Variants in ITGBL1 observed in about 807,000 individuals in gnomAD.
ITGBL1 encodes integrin beta-like protein 1.
In ITGBL1, 51 loss-of-function variants were observed where a neutral mutation model predicts 68.5. That is an observed-to-expected ratio of 0.74 (90% CI 0.59 to 0.94). ITGBL1 has a LOEUF of 0.94. ITGBL1 is among the 40% of genes least tolerant of loss of function. The pLI, the probability that ITGBL1 is intolerant of heterozygous loss-of-function variation, is 0.00. For synonymous variants in ITGBL1, 209 were observed against 227.3 expected, an observed-to-expected ratio of 0.92 and a Z score of 0.72; for missense variants, 649 against 647.4, an observed-to-expected ratio of 1.00 and a Z score of -0.03.
intron 7 of ITGBL1, among the ~76,000 whole-genome samples, chr13:101,627,429 T>G (rs967474458): frequency 2.0e-5 from 3 of 152,060 alleles, no homozygotes; most frequent in Non-Finnish European, 4.4e-5. Context: ...GGTCTATTGG[T>G]TACAAGTCAG....
intron 7 of ITGBL1, among the ~76,000 whole-genome samples, chr13:101,628,577 C>T (rs924975758): frequency 2.7e-5 from 4 of 149,238 alleles, no homozygotes; most frequent in Admixed American, 6.8e-5. Flanking sequence ...GGACTACAGG[C>T]GTGCACCACC....
In ITGBL1 at chr13:101,614,584, G is replaced by C. The variant is rs117745378; in HGVS notation, c.1015+16285G>C. Among the ~76,000 whole-genome samples, 840 of 152,252 alleles carry C rather than the reference G, an allele frequency of 5.5e-3. 32 individuals are homozygous for C. The highest frequency in any genetic ancestry group is 0.042 in the Admixed American group (641 of 15,288). ...ATCAGCTCCCTACAATCTGTTCCCA[G>C]CCCAGCCTTCCTGCTTGGTCCGCTG... On this transcript the variant is annotated intron_variant, in intron 7 of 10. Transcript: ENST00000376180.
At chr13:101,579,841 T>C (rs1028361978) in intron 5 of ITGBL1, among the ~76,000 whole-genome samples, 2 of 152,172 alleles carry the variant, frequency 1.3e-5, no homozygotes, top group Non-Finnish European at 2.9e-5. Context: ...TATGAGTATA[T>C]GGAAGGCTTG....
At chr13:101,486,572 A>T (rs913615697) in intron 2 of ITGBL1, among the ~76,000 whole-genome samples, 9 of 152,376 alleles carry the variant, frequency 5.9e-5, no homozygotes, top group African/African-American at 2.2e-4. Flanking sequence ...AAAACACAGG[A>T]GAGCAGGTTA....
At chr13:101,552,251 G>C (rs2049933204) in intron 2 of ITGBL1, among the ~76,000 whole-genome samples, 1 of 152,178 alleles carries the variant, frequency 6.6e-6, no homozygotes, top group Non-Finnish European at 1.5e-5. Context: ...AGAACAGAGA[G>C]AGAGTATCAT....
chr13:101,705,866 C>T (rs1248662414), intron 8 of ITGBL1, among the ~76,000 whole-genome samples: 1 of 112,690 alleles, frequency 8.9e-6, no homozygotes, highest in Admixed American at 9.5e-5. Context: ...GATTTTGTAT[C>T]CCCTAGTGCA....
At chr13:101,636,831 A>T (rs1410997911) in intron 7 of ITGBL1, among the ~76,000 whole-genome samples, 1 of 152,100 alleles carries the variant, frequency 6.6e-6, no homozygotes, top group East Asian at 1.9e-4. Flanking sequence ...TGAATATATT[A>T]TTTCATATTA....
At chr13:101,612,111 A>T (rs570169904) in intron 7 of ITGBL1, among the ~76,000 whole-genome samples, 2 of 152,308 alleles carry the variant, frequency 1.3e-5, no homozygotes, top group Admixed American at 1.3e-4. Flanking sequence ...TACTATTTGG[A>T]TAAAGGCAAA....
intron 2 of ITGBL1, among the ~76,000 whole-genome samples, chr13:101,542,767 T>C (rs2049734069): frequency 6.6e-6 from 1 of 152,220 alleles, no homozygotes; most frequent in African/African-American, 2.4e-5. Flanking sequence ...ATATTTAGGA[T>C]AGTTAGCTCT....
At chr13:101,537,025 T>C (rs575893399) in intron 2 of ITGBL1, among the ~76,000 whole-genome samples, 1 of 148,758 alleles carries the variant, frequency 6.7e-6, no homozygotes, top group South Asian at 2.2e-4. Context: ...ATAAACCATT[T>C]CCTAAACCTG....
In ITGBL1 at chr13:101,714,531, A is replaced by G; in HGVS notation, c.1373A>G (p.His458Arg). 1.2e-6 allele frequency: 2 copies of G among 1,603,072 alleles called. No individual in the cohort carries two copies. The highest frequency in any genetic ancestry group is 8.5e-7 in the Non-Finnish European group (1 of 1,169,982). Reference sequence around the variant, plus strand: ...TGTGATGACAGAGACTGCGACAAACATGATGGTCTCATTTGTACAGGTGCA... The same window carrying G: ...TGTGATGACAGAGACTGCGACAAACGTGATGGTCTCATTTGTACAGGTGCA... ...CDCDDRDCDK[H>R]DGLICTGNGI... The change falls in exon 10 of 11, where the codon CAT becomes CGT. Residue 458 changes from histidine to arginine, a missense_variant. Coordinates refer to ENST00000376180, the MANE Select transcript of ITGBL1 (RefSeq NM_004791.3).
intron 7 of ITGBL1, among the ~76,000 whole-genome samples, chr13:101,687,573 A>T (rs1032693548): frequency 6.6e-6 from 1 of 152,096 alleles, no homozygotes; most frequent in Non-Finnish European, 1.5e-5. Flanking sequence ...ACTTCTAAAA[A>T]TCTGCCTTAG....
chr13:101,604,791 G>GA (rs113718634), intron 7 of ITGBL1, among the ~76,000 whole-genome samples: 52 of 129,222 alleles, frequency 4.0e-4, no homozygotes, highest in African/African-American at 1.0e-3. Flanking sequence ...TCACCAGCTG[G>GA]AAAAAAAAAT....
intron 7 of ITGBL1, among the ~76,000 whole-genome samples, chr13:101,634,877 C>A (rs1282315454): frequency 6.6e-6 from 1 of 151,472 alleles, no homozygotes; most frequent in East Asian, 1.9e-4. Flanking sequence ...GATAAGGAAC[C>A]AATGTTTTAT....
At chr13:101,547,999 A>G (rs1246171975) in intron 2 of ITGBL1, among the ~76,000 whole-genome samples, 1 of 151,854 alleles carries the variant, frequency 6.6e-6, no homozygotes. Flanking sequence ...AAAAAGGTTT[A>G]TTAACCATAG....
At chr13:101,714,315 TA>T (rs2034616515) in intron 9 of ITGBL1, 122 bp from the exon 10 acceptor site, 2 of 691,930 alleles carry the variant, frequency 2.9e-6, no homozygotes, top group Admixed American at 2.3e-5. Context: ...AGCCATTCAA[TA>T]CACTTTTACC....
At chr13:101,564,892 A>T (rs2050159316) in intron 2 of ITGBL1, among the ~76,000 whole-genome samples, 1 of 151,996 alleles carries the variant, frequency 6.6e-6, no homozygotes, top group African/African-American at 2.4e-5. Context: ...TAAAAAAAGA[A>T]GATAGATGTA....
intron 2 of ITGBL1, among the ~76,000 whole-genome samples, chr13:101,466,882 T>G (rs974625740): frequency 1.3e-5 from 2 of 152,148 alleles, no homozygotes; most frequent in African/African-American, 4.8e-5. Context: ...GATGGTTTAG[T>G]CCATTCAGGC....
intron 7 of ITGBL1, among the ~76,000 whole-genome samples, chr13:101,641,517 T>G (rs2032368008): frequency 6.8e-6 from 1 of 148,046 alleles, no homozygotes; most frequent in South Asian, 2.1e-4. Context: ...TTATGTGTCT[T>G]TCTTTTTTAT....
Sources: allele counts gnomAD v4.1 joint callset (sites outside exome capture counted in the v4.1 genomes callset), GRCh38; gene constraint gnomAD v4.1.1; transcripts MANE v1.5; gene names NCBI Gene and HGNC (gene_info 2026-07-23, HGNC 2026-07-21).